The following PDE4B variants were observed in gnomAD, a reference collection of about 807,000 sequenced individuals.
The protein encoded by PDE4B is phosphodiesterase 4B.
In PDE4B, 20 loss-of-function variants were observed where a neutral mutation model predicts 82.2. The observed-to-expected ratio is 0.24, with a 90% CI of 0.17 to 0.35. The LOEUF (loss-of-function observed/expected upper bound fraction) is 0.35, where lower values mean the gene tolerates loss of function less well. Ranked by LOEUF, PDE4B falls within the 10% of genes least tolerant of loss-of-function variation. The pLI is 1.00. For missense variants in PDE4B, 655 were observed against 907.2 expected, an observed-to-expected ratio of 0.72 and a Z score of 3.57; for synonymous variants, 320 against 318.9, an observed-to-expected ratio of 1.00 and a Z score of -0.04.
chr1:66,006,243 A>C lies in PDE4B; in HGVS notation c.281+87408A>C, dbSNP rs192487590. Reference sequence around the variant, plus strand: ...GTGTATGTTAGTCCTTTGTCAATGGATAAACACCAGATTGACATCGCTTAG... The same window carrying C: ...GTGTATGTTAGTCCTTTGTCAATGGCTAAACACCAGATTGACATCGCTTAG... On this transcript the variant is annotated intron_variant, in intron 3 of 16. Transcript: ENST00000341517. Among the ~76,000 whole-genome samples the C allele has an allele frequency of 3.6e-3, 547 of 152,290 alleles. 13 individuals are homozygous for C. The highest frequency in any genetic ancestry group is 0.033 in the Admixed American group (504 of 15,290).
intron 3 of PDE4B, among the ~76,000 whole-genome samples, chr1:66,035,457 T>G (rs1229755956): frequency 6.6e-6 from 1 of 152,218 alleles, no homozygotes; most frequent in African/African-American, 2.4e-5. Flanking sequence ...TTGTACTTAT[T>G]GACCAACATC....
At chr1:66,355,660 G>A in intron 9 of PDE4B, 40 bp downstream of exon 9, 2 of 1,219,720 alleles carry the variant, frequency 1.6e-6, no homozygotes, top group Non-Finnish European at 2.4e-6. Flanking sequence ...TATAACTGGG[G>A]TTTTCAGAAT....
chr1:65,904,337 G>T (rs1557808742), intron 1 of PDE4B, among the ~76,000 whole-genome samples: 1 of 152,090 alleles, frequency 6.6e-6, no homozygotes, highest in Admixed American at 6.6e-5. Flanking sequence ...TAATTTAGAA[G>T]AAAAAATACT....
chr1:66,066,164 T>G (rs1193362031), intron 3 of PDE4B, among the ~76,000 whole-genome samples: 1 of 151,728 alleles, frequency 6.6e-6, no homozygotes, highest in African/African-American at 2.4e-5. Flanking sequence ...TCATTTGATC[T>G]TTCAGTATTC....
intron 3 of PDE4B, among the ~76,000 whole-genome samples, chr1:66,186,177 C>A (rs1647204665): frequency 6.6e-6 from 1 of 152,156 alleles, no homozygotes; most frequent in South Asian, 2.1e-4. Flanking sequence ...AGGGCTCTTT[C>A]TGTTCCATTG....
At chr1:66,364,211 C>T (rs889838704) in intron 12 of PDE4B, among the ~76,000 whole-genome samples, 1 of 152,112 alleles carries the variant, frequency 6.6e-6, no homozygotes. Context: ...AAAATACTCT[C>T]TATATTTCTT....
At chr1:66,090,703 G>GTA (rs1253389235) in intron 3 of PDE4B, among the ~76,000 whole-genome samples, 1 of 145,984 alleles carries the variant, frequency 6.9e-6, no homozygotes, top group Non-Finnish European at 1.5e-5. Flanking sequence ...ATAAGTATAT[G>GTA]TATATATGTG....
At chr1:66,043,652 A>G (rs985179005) in intron 3 of PDE4B, among the ~76,000 whole-genome samples, 17 of 151,776 alleles carry the variant, frequency 1.1e-4, no homozygotes, top group African/African-American at 4.1e-4. Flanking sequence ...AAACCATGAA[A>G]GTCAAACTTA....
At chr1:66,031,398 AG>A (rs1449043734) in intron 3 of PDE4B, among the ~76,000 whole-genome samples, 2 of 152,232 alleles carry the variant, frequency 1.3e-5, no homozygotes, top group African/African-American at 2.4e-5. Context: ...TCAGGAGAAA[AG>A]GTAGCTCTCA....
intron 3 of PDE4B, among the ~76,000 whole-genome samples, chr1:66,090,621 A>ATGTGTG (rs146947689): frequency 4.0e-4 from 49 of 122,692 alleles, no homozygotes; most frequent in African/African-American, 9.4e-4. Context: ...TATATAATAT[A>ATGTGTG]TGTGTGTGTG....
intron 3 of PDE4B, among the ~76,000 whole-genome samples, chr1:66,245,044 G>A (rs1479666534): frequency 1.3e-5 from 2 of 152,160 alleles, no homozygotes; most frequent in East Asian, 1.9e-4. Context: ...CTAAGAGCTC[G>A]GTGGGCATAC....
chr1:66,194,503 C>A (rs1396230278), intron 3 of PDE4B, among the ~76,000 whole-genome samples: 1 of 152,174 alleles, frequency 6.6e-6, no homozygotes, highest in East Asian at 1.9e-4. Flanking sequence ...TTATAAAAAT[C>A]ATGGACTAAA....
intron 3 of PDE4B, among the ~76,000 whole-genome samples, chr1:66,190,796 G>A (rs113759770): frequency 1.6e-3 from 249 of 152,134 alleles, no homozygotes; most frequent in African/African-American, 5.4e-3. Context: ...TGGGTGAGGC[G>A]ATGCCTCACC....
At chr1:65,794,855 G>T (rs1361892814) in intron 1 of PDE4B, among the ~76,000 whole-genome samples, 1 of 152,182 alleles carries the variant, frequency 6.6e-6, no homozygotes, top group Non-Finnish European at 1.5e-5. Context: ...TCTTGTTACA[G>T]TTGGGAGCTA....
intron 1 of PDE4B, among the ~76,000 whole-genome samples, chr1:65,808,480 A>G (rs959255573): frequency 2.0e-5 from 3 of 152,186 alleles, no homozygotes; most frequent in African/African-American, 7.2e-5. Flanking sequence ...GGAAGAGCAT[A>G]AATGTTTGAA....
intron 1 of PDE4B, among the ~76,000 whole-genome samples, chr1:65,900,951 C>T (rs1006815873): frequency 6.6e-6 from 1 of 151,990 alleles, no homozygotes; most frequent in African/African-American, 2.4e-5. Context: ...TTATTTCTTT[C>T]TTTTGCCTGA....
At chr1:65,923,503 G>A (rs531589380) in intron 3 of PDE4B, among the ~76,000 whole-genome samples, 7 of 151,910 alleles carry the variant, frequency 4.6e-5, no homozygotes, top group Non-Finnish European at 1.0e-4. Flanking sequence ...TGCATTCACC[G>A]TTTGATTTGG....
chr1:66,229,336 T>TGG (rs529540736), intron 3 of PDE4B, among the ~76,000 whole-genome samples: 62 of 152,306 alleles, frequency 4.1e-4, no homozygotes, highest in African/African-American at 1.4e-3. Context: ...TGCATCTCAT[T>TGG]GGCCAGAACT....
intron 3 of PDE4B, among the ~76,000 whole-genome samples, chr1:65,998,889 T>C (rs1651704195): frequency 6.6e-6 from 1 of 151,730 alleles, no homozygotes; most frequent in Non-Finnish European, 1.5e-5. Context: ...AAAAAGCAGA[T>C]ATTATCTTAG....
Sources: allele counts gnomAD v4.1 joint callset (sites outside exome capture counted in the v4.1 genomes callset), GRCh38; gene constraint gnomAD v4.1.1; transcripts MANE v1.5; gene names NCBI Gene and HGNC (gene_info 2026-07-23, HGNC 2026-07-21).